The following AMBRA1 variants were observed in gnomAD, a reference collection of about 807,000 sequenced individuals.
AMBRA1 encodes the protein activating molecule in BECN1-regulated autophagy protein 1.
In AMBRA1, 47 loss-of-function variants were observed where a neutral mutation model predicts 125.4. That is an observed-to-expected ratio of 0.37 (90% CI 0.30 to 0.48). The LOEUF (loss-of-function observed/expected upper bound fraction) is 0.48. Ranked by LOEUF, AMBRA1 falls within the 20% of genes least tolerant of loss-of-function variation. The pLI is 0.99. For missense variants in AMBRA1, 1,331 were observed against 1,693.4 expected (o/e 0.79, Z 3.76); for synonymous variants, 626 against 655.5 (o/e 0.95, Z 0.69).
intron 11 of AMBRA1, among the ~76,000 whole-genome samples, chr11:46,445,188 C>G (rs1948223565): frequency 6.6e-6 from 1 of 151,364 alleles, no homozygotes; most frequent in Non-Finnish European, 1.5e-5. Flanking sequence ...GGAGGAGAGA[C>G]AAGTAGGGAA....
At chr11:46,534,322 G>A (rs987055954) in intron 7 of AMBRA1, among the ~76,000 whole-genome samples, 3 of 151,434 alleles carry the variant, frequency 2.0e-5, no homozygotes, top group East Asian at 1.9e-4. Context: ...GTGAAACCCC[G>A]TCTTTACTAA....
intron 1 of AMBRA1, among the ~76,000 whole-genome samples, chr11:46,554,033 G>A (rs148063286): frequency 2.6e-5 from 4 of 152,164 alleles, no homozygotes; most frequent in East Asian, 1.9e-4. Context: ...GTAGCCCTTC[G>A]GTCAAACTGC....
intron 13 of AMBRA1, 84 bp downstream of exon 13, chr11:46,434,765 C>A: frequency 2.1e-6 from 3 of 1,410,406 alleles, no homozygotes; most frequent in Non-Finnish European, 2.9e-6. Flanking sequence ...CCATTACTCC[C>A]ACCCAAGCTG....
intron 17 of AMBRA1, among the ~76,000 whole-genome samples, chr11:46,400,893 T>A (rs1157940231): frequency 1.3e-5 from 2 of 151,934 alleles, no homozygotes; most frequent in African/African-American, 4.8e-5. Flanking sequence ...CTTCCCCACT[T>A]CCTCCTGGGA....
Position 46,468,627 on chromosome 11 carries a change from T to C in AMBRA1, c.2521+24981A>G, listed in dbSNP as rs1333992356. 2.0e-5 allele frequency among the ~76,000 whole-genome samples: 3 copies of C among 147,810 alleles called. No homozygotes were observed. The South Asian group carries it at 6.5e-4, about 32-fold the overall frequency. ...TCCTAGCTAACACCGTGAAACCCCG[T>C]CTCTACTAAAAATACAAAAAAATAC... is the stretch of plus-strand genomic sequence containing the variant. On this transcript the variant is annotated intron_variant, in intron 11 of 17. Coordinates refer to ENST00000683756, the MANE Select transcript of AMBRA1 (RefSeq NM_001387011.1).
At chr11:46,455,062 TG>T (rs1948793356) in intron 11 of AMBRA1, among the ~76,000 whole-genome samples, 1 of 152,018 alleles carries the variant, frequency 6.6e-6, no homozygotes, top group South Asian at 2.1e-4. Context: ...AAAAAAAATT[TG>T]TTTTTGTAGA....
At chr11:46,522,893 C>A (rs1399760499) in intron 7 of AMBRA1, among the ~76,000 whole-genome samples, 1 of 152,172 alleles carries the variant, frequency 6.6e-6, no homozygotes, top group Non-Finnish European at 1.5e-5. Flanking sequence ...GTCCTTCACC[C>A]TGGTATACTG....
At chr11:46,499,896 A>T (rs1565222913) in intron 9 of AMBRA1, among the ~76,000 whole-genome samples, 1 of 152,100 alleles carries the variant, frequency 6.6e-6, no homozygotes. Context: ...CTTGTGATCC[A>T]TCTGCCTCGG....
chr11:46,455,087 TA>T (rs1275857858), intron 11 of AMBRA1, among the ~76,000 whole-genome samples: 1 of 152,120 alleles, frequency 6.6e-6, no homozygotes, highest in Non-Finnish European at 1.5e-5. Flanking sequence ...GGGATCTCAG[TA>T]TTTACCCAGG....
intron 7 of AMBRA1, among the ~76,000 whole-genome samples, chr11:46,520,362 A>G (rs1951703634): frequency 6.6e-6 from 1 of 152,162 alleles, no homozygotes; most frequent in Non-Finnish European, 1.5e-5. Context: ...AACACAAAGG[A>G]TGTCTCAGCA....
chr11:46,593,812 C>T lies in AMBRA1; in HGVS notation c.-121+16G>A, dbSNP rs1477650980. 2.5e-6 allele frequency: 1 copy of T among 395,756 alleles called. No individual in the cohort carries two copies. Among genetic ancestry groups the T allele is most frequent in the East Asian group, 3.6e-5 (1 of 27,970 alleles). 24.5% of individuals were successfully genotyped at this position (395,756 alleles called of 1,614,324 possible). A position where few individuals can be genotyped will look rare whatever the true frequency, so the allele number is the denominator to read the frequency against. The stretch of plus-strand genomic sequence containing the variant: ...AGGATGCCGGGCTGGGCCTCCCAGG[C>T]TCCTCCTGGGCCTACCTGCAAGGCA... On this transcript the variant is annotated intron_variant, in intron 1 of 17. Coordinates refer to ENST00000683756, the MANE Select transcript of AMBRA1 (RefSeq NM_001387011.1).
intron 7 of AMBRA1, among the ~76,000 whole-genome samples, chr11:46,538,956 C>T (rs1264528329): frequency 1.3e-5 from 2 of 152,146 alleles, no homozygotes; most frequent in Non-Finnish European, 2.9e-5. Context: ...ATTTCAAATG[C>T]TCAATAGCCA....
chr11:46,430,263 C>T (rs1947388159), intron 14 of AMBRA1, among the ~76,000 whole-genome samples: 1 of 152,188 alleles, frequency 6.6e-6, no homozygotes, highest in African/African-American at 2.4e-5. Context: ...AAACAGAAGA[C>T]AAACACCACT....
intron 14 of AMBRA1, among the ~76,000 whole-genome samples, chr11:46,432,043 A>ATT (rs766577766): frequency 6.0e-5 from 9 of 151,192 alleles, no homozygotes; most frequent in African/African-American, 2.2e-4. Context: ...TTATTTATTT[A>ATT]TTTTTTTTTG....
At chr11:46,529,024 C>T (rs1952101465) in intron 7 of AMBRA1, among the ~76,000 whole-genome samples, 1 of 152,176 alleles carries the variant, frequency 6.6e-6, no homozygotes, top group Non-Finnish European at 1.5e-5. Flanking sequence ...CAAGGTCATA[C>T]TTTCAGCCTC....
intron 11 of AMBRA1, among the ~76,000 whole-genome samples, chr11:46,474,285 T>C (rs1240072156): frequency 6.6e-6 from 1 of 152,222 alleles, no homozygotes; most frequent in East Asian, 1.9e-4. Flanking sequence ...GGAAAATACT[T>C]TCAAATGAAT....
chr11:46,513,932 A>G (rs1462905214), intron 7 of AMBRA1, among the ~76,000 whole-genome samples: 1 of 151,770 alleles, frequency 6.6e-6, no homozygotes, highest in Non-Finnish European at 1.5e-5. Flanking sequence ...CACGTATAAT[A>G]AACACGGCCC....
chr11:46,457,987 T>C (rs1428526987), intron 11 of AMBRA1, among the ~76,000 whole-genome samples: 5 of 151,742 alleles, frequency 3.3e-5, no homozygotes, highest in Non-Finnish European at 7.4e-5. Context: ...AAAAAAGATT[T>C]CAGACCCTTG....
At chr11:46,545,804 T>C in intron 4 of AMBRA1, 28 bp from the exon 5 acceptor site, 2 of 1,610,152 alleles carry the variant, frequency 1.2e-6, no homozygotes, top group Admixed American at 1.7e-5. Flanking sequence ...CCAGATATTC[T>C]CAGGTTACAA....
Sources: allele counts gnomAD v4.1 joint callset (sites outside exome capture counted in the v4.1 genomes callset), GRCh38; gene constraint gnomAD v4.1.1; transcripts MANE v1.5; gene names NCBI Gene and HGNC (gene_info 2026-07-23, HGNC 2026-07-21).